TMEM50B: variants seen among roughly 807,000 people sequenced by gnomAD.
TMEM50B encodes the protein transmembrane protein 50B.
Under a neutral mutation model 23.4 loss-of-function variants are expected in TMEM50B, and 14 were observed. That is an observed-to-expected ratio of 0.60 (90% CI 0.39 to 0.93). The LOEUF is 0.93. Ranked by LOEUF, TMEM50B falls within the 40% of genes least tolerant of loss-of-function variation. The pLI, the probability that TMEM50B is intolerant of heterozygous loss-of-function variation, is 0.00. For missense variants in TMEM50B, 159 were observed against 193.0 expected (o/e 0.82, Z 1.04); for synonymous variants, 64 against 62.3 (o/e 1.03, Z -0.13).
intron 1 of TMEM50B, chr21:33,478,892 T>A: frequency 2.2e-6 from 1 of 457,410 alleles, no homozygotes; most frequent in Non-Finnish European, 4.5e-6. Flanking sequence ...GCAGGTAGGA[T>A]GAAGAGTCTG....
In TMEM50B at chr21:33,432,534, T is replaced by C. The variant is rs2083899011; in HGVS notation, c.*2389A>G. 4 of 860,138 alleles carry C rather than the reference T, an allele frequency of 4.7e-6. No homozygotes were observed. In the East Asian group the frequency reaches 1.0e-4, roughly 22 times the overall value. 53.3% of individuals were successfully genotyped at this position (860,138 alleles called of 1,614,324 possible). Reference sequence around the variant, plus strand: ...ACCAGACAGCTACCACTTGCTTTATTTCATTACAGGATTGACTTTAGCTAT... The same window carrying C: ...ACCAGACAGCTACCACTTGCTTTATCTCATTACAGGATTGACTTTAGCTAT... On this transcript the variant is annotated 3_prime_UTR_variant and NMD_transcript_variant, in exon 9 of 9. Transcript: ENST00000420455.
At chr21:33,471,843 G>C (rs942154486) in intron 1 of TMEM50B, among the ~76,000 whole-genome samples, 1 of 151,826 alleles carries the variant, frequency 6.6e-6, no homozygotes, top group Non-Finnish European at 1.5e-5. Flanking sequence ...AGACCATCCT[G>C]ACTAACATGG....
At chr21:33,472,773 G>C (rs1475234085) in intron 1 of TMEM50B, among the ~76,000 whole-genome samples, 1 of 151,314 alleles carries the variant, frequency 6.6e-6, no homozygotes, top group African/African-American at 2.4e-5. Context: ...TTGGGAGGCT[G>C]AGGCAGGAGG....
Position 33,467,875 on chromosome 21 carries a change from A to T in TMEM50B, c.100-753T>A, listed in dbSNP as rs563994962. The stretch of plus-strand genomic sequence containing the variant: ...GAATTTTTAAAATGTAAACAGATAA[A>T]GAAATTTGCTTCCAAAAAATGCTGT... On this transcript the variant is annotated intron_variant, in intron 2 of 6. Transcript: ENST00000542230. 5.9e-5 allele frequency among the ~76,000 whole-genome samples: 9 copies of T among 152,336 alleles called. No individual in the cohort carries two copies. The South Asian group carries it at 1.9e-3, about 32-fold the overall frequency.
At chr21:33,446,409 T>C (rs2084055677), downstream of TMEM50B, among the ~76,000 whole-genome samples, 1 of 151,052 alleles carries the variant, frequency 6.6e-6, no homozygotes, top group Admixed American at 6.6e-5. Context: ...GCTAATTTTT[T>C]GTATTTTTAG....
chr21:33,443,820 T>C (rs2084028972), intron 7 of TMEM50B, among the ~76,000 whole-genome samples: 1 of 152,160 alleles, frequency 6.6e-6, no homozygotes, highest in African/African-American at 2.4e-5. Flanking sequence ...ACATTTAAAA[T>C]AACAGACCAA....
chr21:33,468,792 T>C lies in TMEM50B; in HGVS notation c.94A>G (p.Ile32Val), dbSNP rs180828559. Residue 32 changes from isoleucine (I) to valine (V), a missense_variant, in exon 2 of 7, where the codon ATA becomes GTA. Ile to Val is a conservative substitution (Grantham distance 29). Transcript: ENST00000542230. Reference protein sequence around the residue: ...RNAVASVVAGILFFTGWWIMI... With the variant: ...RNAVASVVAGVLFFTGWWIMI... The stretch of plus-strand genomic sequence containing the variant: ...AACCAGTCTTTCTCACTTACCAATA[T>C]ACCTGCGACAACAGATGCCACAGCA... The C allele has an allele frequency of 1.2e-6, 2 of 1,613,566 alleles. No individual in the cohort carries two copies. Among genetic ancestry groups the C allele is most frequent in the East Asian group, 4.5e-5 (2 of 44,852 alleles).
intron 6 of TMEM50B, among the ~76,000 whole-genome samples, chr21:33,451,246 C>A (rs2084117130): frequency 6.6e-6 from 1 of 152,192 alleles, no homozygotes; most frequent in Admixed American, 6.5e-5. Flanking sequence ...ATCTAAATTA[C>A]AGTAACTGAA....
chr21:33,478,436 G>C (rs2084394155), intron 1 of TMEM50B, among the ~76,000 whole-genome samples: 1 of 152,090 alleles, frequency 6.6e-6, no homozygotes, highest in South Asian at 2.1e-4. Context: ...CACTGTACTT[G>C]TAGCCTGGTC....
intron 8 of TMEM50B, chr21:33,436,813 T>C: frequency 6.2e-7 from 1 of 1,613,516 alleles, no homozygotes; most frequent in Non-Finnish European, 8.5e-7. Context: ...AATTTTGCTT[T>C]CCAACCTCCT....
At chr21:33,476,134 C>CT (rs2084367832) in intron 1 of TMEM50B, among the ~76,000 whole-genome samples, 1 of 152,204 alleles carries the variant, frequency 6.6e-6, no homozygotes, top group Non-Finnish European at 1.5e-5. Flanking sequence ...TGGCTCATGC[C>CT]TGTAAACCCA....
intron 7 of TMEM50B, among the ~76,000 whole-genome samples, chr21:33,440,569 C>T (rs1376324675): frequency 2.7e-5 from 4 of 149,338 alleles, no homozygotes; most frequent in African/African-American, 7.4e-5. Flanking sequence ...GGTGACAGAG[C>T]GAGACTCTGT....
At chr21:33,473,879 T>C (rs1568987947) in intron 1 of TMEM50B, among the ~76,000 whole-genome samples, 2 of 152,172 alleles carry the variant, frequency 1.3e-5, no homozygotes, top group African/African-American at 2.4e-5. Context: ...TTCCTACTGA[T>C]AGATGCTACA....
chr21:33,468,878 C>G lies in TMEM50B; in HGVS notation c.8G>C (p.Gly3Ala), dbSNP rs1313081069. 1.2e-5 allele frequency: 20 copies of G among 1,613,082 alleles called. No homozygotes were observed. Among genetic ancestry groups the G allele is most frequent in the Non-Finnish European group, 1.7e-5 (20 of 1,179,538 alleles). MA[G>A]FLDNFRWPEC... ...TGGCCAACGAAAATTATCTAGGAAG[C>G]CTGCCATTTTTACTTCTTAAGCATA... The change falls in exon 2 of 7, where the codon GGC becomes GCC. Residue 3 changes from glycine to alanine, a missense_variant. Transcript: ENST00000542230.
chr21:33,452,887 T>C (rs1044777344), intron 6 of TMEM50B, among the ~76,000 whole-genome samples: 1 of 152,022 alleles, frequency 6.6e-6, no homozygotes, highest in African/African-American at 2.4e-5. Context: ...TAGCTATAAA[T>C]ATACTCTGTG....
chr21:33,460,667 T>A (rs1324706890), intron 4 of TMEM50B, among the ~76,000 whole-genome samples, 162 bp from the exon 5 acceptor site: 4 of 148,544 alleles, frequency 2.7e-5, no homozygotes, highest in African/African-American at 2.5e-5. Flanking sequence ...AATGATGATT[T>A]AAAAAAAAAA....
intron 8 of TMEM50B, chr21:33,432,809 T>C: frequency 6.2e-7 from 1 of 1,613,930 alleles, no homozygotes; most frequent in Non-Finnish European, 8.5e-7. Context: ...GGTCCTGAAA[T>C]ATAGAGGCCT....
intron 6 of TMEM50B, among the ~76,000 whole-genome samples, chr21:33,454,946 G>A (rs1325672151): frequency 7.2e-5 from 11 of 151,750 alleles, no homozygotes; most frequent in Admixed American, 5.3e-4. Context: ...GTGAAACCTC[G>A]TCTCTACTAA....
chr21:33,448,218 C>A (rs2084083681), downstream of TMEM50B, among the ~76,000 whole-genome samples: 1 of 152,118 alleles, frequency 6.6e-6, no homozygotes, highest in African/African-American at 2.4e-5. Flanking sequence ...TGGTCTCGAA[C>A]TCCTGACCTC....
Sources: gnomAD v4.1 joint callset for allele counts (sites outside exome capture counted in the v4.1 genomes callset) on GRCh38, gnomAD v4.1.1 for gene constraint, MANE v1.5 for transcripts, NCBI Gene and HGNC (gene_info 2026-07-23, HGNC 2026-07-21) for gene names.